Variants in NDRG1 observed in about 807,000 individuals in gnomAD.
NDRG1 encodes N-myc downstream regulated 1, also known as protein NDRG1.
NDRG1 carries 32 observed loss-of-function variants against 56.9 expected under a neutral mutation model. That is an observed-to-expected ratio of 0.56 (90% confidence interval 0.42 to 0.76). The LOEUF (loss-of-function observed/expected upper bound fraction) is 0.76, where lower values mean the gene tolerates loss of function less well. Among genes scored for constraint, NDRG1 ranks in the 30% least tolerant of loss-of-function variants. NDRG1 has a pLI of 0.00. For missense variants in NDRG1, 507 were observed against 545.7 expected, an observed-to-expected ratio of 0.93 and a Z score of 0.71; for synonymous variants, 211 against 204.1, an observed-to-expected ratio of 1.03 and a Z score of -0.29.
chr8:133,254,551 G>C lies in NDRG1; in HGVS notation c.582C>G (p.His194Gln), dbSNP rs1305919985. ...CCACGCAACTCACCTTCCCAAAAAGGTGGGACACCACCATGTCCGGCAGAG... is the reference window on the plus strand; with the variant it reads ...CCACGCAACTCACCTTCCCAAAAAGCTGGGACACCACCATGTCCGGCAGAG... ...TQALPDMVVS[H>Q]LFGKEEMQSN... Residue 194 changes from histidine (H) to glutamine (Q), a missense_variant, in exon 9 of 16, where the codon CAC becomes CAG. Transcript: ENST00000323851. 5.0e-6 allele frequency: 8 copies of C among 1,614,000 alleles called. No individual in the cohort carries two copies. Among genetic ancestry groups the C allele is most frequent in the Non-Finnish European group, 6.8e-6 (8 of 1,179,994 alleles).
intron 9 of NDRG1, among the ~76,000 whole-genome samples, chr8:133,254,081 A>T (rs34887558): frequency 0.32 from 48,486 of 150,930 alleles, 7,945 homozygotes; most frequent in African/African-American, 0.38. Flanking sequence ...CAGACCAAAA[A>T]AAAAAAAAAA....
At chr8:133,258,032 A>T (rs1433207998) in intron 7 of NDRG1, among the ~76,000 whole-genome samples, 2 of 152,216 alleles carry the variant, frequency 1.3e-5, no homozygotes, top group Non-Finnish European at 2.9e-5. Context: ...GTTATGACCC[A>T]GGAGTGCCCT....
rs1358554687 is a variant in NDRG1 at position 133,279,799 on chromosome 8, CT to C, written c.99+432del. Among the ~76,000 whole-genome samples the C allele has an allele frequency of 2.0e-5, 3 of 152,246 alleles. No individual in the cohort carries two copies. In the East Asian group the frequency reaches 5.8e-4, roughly 29 times the overall value. The stretch of plus-strand genomic sequence containing the variant: ...GCACCCCCTGGCCCACCCTGCAATC[CT>C]GAGTGGGAATGGAGATACTTCAGTT... On this transcript the variant is annotated intron_variant, in intron 3 of 15. Transcript: ENST00000323851.
intron 15 of NDRG1, chr8:133,241,323 C>T (rs1855370238): frequency 6.4e-6 from 1 of 155,848 alleles, no homozygotes; most frequent in Admixed American, 6.1e-5. Flanking sequence ...GACAGCACTT[C>T]TGGAAAAAAG....
intron 1 of NDRG1, among the ~76,000 whole-genome samples, chr8:133,288,641 G>A (rs979833930): frequency 2.0e-5 from 3 of 152,196 alleles, no homozygotes; most frequent in African/African-American, 7.2e-5. Context: ...AGAATGTTGG[G>A]ACCCACTAGA....
At chr8:133,280,426 T>TC (rs1857727770) in intron 2 of NDRG1, among the ~76,000 whole-genome samples, 159 bp from the exon 3 acceptor site, 2 of 105,602 alleles carry the variant, frequency 1.9e-5, no homozygotes, top group East Asian at 2.1e-4. Context: ...TCCTTTTCTC[T>TC]TTTTTTTTTT....
At chr8:133,270,626 G>A (rs1857141937) in intron 3 of NDRG1, among the ~76,000 whole-genome samples, 1 of 152,154 alleles carries the variant, frequency 6.6e-6, no homozygotes, top group Non-Finnish European at 1.5e-5. Flanking sequence ...GAGATGCTTG[G>A]GGGTTCGGTG....
At chr8:133,287,556 T>A (rs1368659466) in intron 1 of NDRG1, among the ~76,000 whole-genome samples, 1 of 152,238 alleles carries the variant, frequency 6.6e-6, no homozygotes, top group African/African-American at 2.4e-5. Flanking sequence ...AGGCTGCATC[T>A]GGGCTGTGTC....
At chr8:133,270,331 CTATGG>C in intron 3 of NDRG1, among the ~76,000 whole-genome samples, 1 of 152,358 alleles carries the variant, frequency 6.6e-6, no homozygotes, top group South Asian at 2.1e-4. Flanking sequence ...AGCTTTAAAA[CTATGG>C]CAGACTCTGT....
chr8:133,284,792 T>G (rs1457900994), intron 1 of NDRG1: 1 of 457,356 alleles, frequency 2.2e-6, no homozygotes. Context: ...AGCCTCACAG[T>G]TAGCCCTAAC....
At position 133,288,513 on chromosome 8, in the gene NDRG1, G is replaced by A. The variant is rs372014627; in HGVS notation, c.-18-4184C>T. 1.3e-3 allele frequency: 196 copies of A among 152,396 alleles called. 1 individual carries two copies. The highest frequency in any genetic ancestry group is 2.3e-3 in the Non-Finnish European group (154 of 68,086). The allele number at this position is 152,396 out of a possible 1,614,324, so 9.4% of individuals were successfully genotyped here. A position where few individuals can be genotyped will look rare whatever the true frequency, so the allele number is the denominator to read the frequency against. On this transcript the variant is annotated intron_variant, in intron 1 of 15. Transcript: ENST00000323851. ...CTTCCACTCCTGCTCCCTCCTCCCG[G>A]GCACCTGAGGCCCTCACGGCTTAGC...
At chr8:133,287,019 G>C (rs1322366933) in intron 1 of NDRG1, among the ~76,000 whole-genome samples, 2 of 152,176 alleles carry the variant, frequency 1.3e-5, no homozygotes, top group East Asian at 3.9e-4. Context: ...GGTGGGAGGA[G>C]AGCGGCTCCC....
intron 3 of NDRG1, among the ~76,000 whole-genome samples, chr8:133,275,602 C>G (rs1403966412): frequency 6.6e-6 from 1 of 152,190 alleles, no homozygotes; most frequent in Non-Finnish European, 1.5e-5. Context: ...TGCCCTATCC[C>G]ATCACCTGGC....
chr8:133,287,908 T>A (rs1858208450), intron 1 of NDRG1, among the ~76,000 whole-genome samples: 1 of 152,206 alleles, frequency 6.6e-6, no homozygotes, highest in Admixed American at 6.5e-5. Flanking sequence ...GTCAGTTGGA[T>A]GCATTCTTAT....
chr8:133,247,657 G>A (rs887019224), intron 12 of NDRG1, among the ~76,000 whole-genome samples: 3 of 152,228 alleles, frequency 2.0e-5, no homozygotes, highest in Non-Finnish European at 4.4e-5. Flanking sequence ...GAGGGGACCT[G>A]GGAGAGGAGA....
chr8:133,241,989 C>T, intron 15 of NDRG1, 34 bp downstream of exon 15: 3 of 1,613,588 alleles, frequency 1.9e-6, no homozygotes, highest in Non-Finnish European at 1.7e-6. Context: ...GACACATGCC[C>T]CGACCCACTG....
At chr8:133,281,820 T>TGGC (rs1215604377) in intron 2 of NDRG1, among the ~76,000 whole-genome samples, 1 of 152,152 alleles carries the variant, frequency 6.6e-6, no homozygotes, top group Non-Finnish European at 1.5e-5. Context: ...GAAACAAACG[T>TGGC]GGCTGGCACC....
At chr8:133,282,024 T>C (rs1463185237) in intron 2 of NDRG1, among the ~76,000 whole-genome samples, 2 of 152,150 alleles carry the variant, frequency 1.3e-5, no homozygotes, top group Admixed American at 1.3e-4. Context: ...GCTGAGTCAA[T>C]CTAAGGAATT....
chr8:133,241,732 G>A (rs1588220012), intron 15 of NDRG1: 4 of 529,810 alleles, frequency 7.5e-6, no homozygotes, highest in South Asian at 6.9e-5. Flanking sequence ...TTGTTTCACT[G>A]TTGGTCATTG....
Sources: gnomAD v4.1 joint callset for allele counts (sites outside exome capture counted in the v4.1 genomes callset) on GRCh38, gnomAD v4.1.1 for gene constraint, MANE v1.5 for transcripts, NCBI Gene and HGNC (gene_info 2026-07-23, HGNC 2026-07-21) for gene names.